LINGO2: variants seen among roughly 807,000 people sequenced by gnomAD.
LINGO2 encodes the protein leucine rich repeat and Ig domain containing 2.
In LINGO2, 14 loss-of-function variants were observed where a neutral mutation model predicts 30.6. The ratio of observed to expected loss-of-function variants is 0.46; its 90% CI spans 0.30 to 0.72. The LOEUF (loss-of-function observed/expected upper bound fraction) is 0.72. Among genes scored for constraint, LINGO2 ranks in the 30% least tolerant of loss-of-function variants. The probability of loss-of-function intolerance (pLI) is 0.07; values close to 1 mark genes in which losing one functional copy is unlikely to be tolerated. For synonymous variants in LINGO2, 317 were observed against 288.5 expected (o/e 1.10, Z -1.00); for missense variants, 729 against 751.7 (o/e 0.97, Z 0.35).
At chr9:28,170,966 T>C (rs535178571) in intron 4 of LINGO2, among the ~76,000 whole-genome samples, 72 of 152,364 alleles carry the variant, frequency 4.7e-4, no homozygotes, top group Middle Eastern at 3.4e-3. Flanking sequence ...TGGACAACTT[T>C]GTTGGGCCAT....
At chr9:28,880,502 G>A in the LINGO2 span, among the ~76,000 whole-genome samples, 1 of 152,160 alleles carries the variant, frequency 6.6e-6, no homozygotes, top group Non-Finnish European at 1.5e-5. Context: ...TAAACCAGGG[G>A]CACAATGCAC....
At chr9:28,117,324 C>A (rs900489666) in intron 4 of LINGO2, among the ~76,000 whole-genome samples, 2 of 146,108 alleles carry the variant, frequency 1.4e-5, no homozygotes, top group African/African-American at 5.0e-5. Context: ...AGCTGTCAGA[C>A]AGGGACATTT....
chr9:28,593,696 C>A (rs1825036252), intron 1 of LINGO2, among the ~76,000 whole-genome samples: 2 of 139,852 alleles, frequency 1.4e-5, no homozygotes, highest in Non-Finnish European at 3.2e-5. Flanking sequence ...GATCATTTCA[C>A]CAGAAAGTAC....
chr9:28,527,043 C>T (rs967767746), intron 1 of LINGO2, among the ~76,000 whole-genome samples: 11 of 152,068 alleles, frequency 7.2e-5, no homozygotes, highest in South Asian at 2.1e-4. Context: ...CTCTGGAAGA[C>T]GACTTAAAAG....
the LINGO2 span, among the ~76,000 whole-genome samples, chr9:28,906,284 T>C: frequency 6.6e-6 from 1 of 152,100 alleles, no homozygotes; most frequent in African/African-American, 2.4e-5. Context: ...AAAATTGCTA[T>C]GAAAATAGAT....
intron 2 of LINGO2, among the ~76,000 whole-genome samples, chr9:28,412,390 T>C (rs1822805558): frequency 6.6e-6 from 1 of 151,998 alleles, no homozygotes; most frequent in Admixed American, 6.6e-5. Flanking sequence ...GTGAATAGGG[T>C]TGTTTATCTG....
chr9:28,160,931 C>A lies in LINGO2; in HGVS notation c.-87+134277G>T, dbSNP rs555812089. On this transcript the variant is annotated intron_variant, in intron 4 of 5. Transcript: ENST00000379992. ...TCAATTCCCTTCTTAGCATTTGGGA[C>A]ACCCATGCTCCTGAACAGTGTTTGG... 4.1e-4 allele frequency among the ~76,000 whole-genome samples: 63 copies of A among 152,236 alleles called. 1 individual carries two copies. In the Middle Eastern group the frequency reaches 0.014, roughly 33 times the overall value.
intron 4 of LINGO2, among the ~76,000 whole-genome samples, chr9:28,028,064 G>C (rs975560203): frequency 3.3e-5 from 5 of 152,138 alleles, no homozygotes; most frequent in African/African-American, 9.7e-5. Context: ...TAGGCACCAA[G>C]AATTCAGAGA....
At chr9:28,180,470 T>G (rs1044472729) in intron 4 of LINGO2, among the ~76,000 whole-genome samples, 1 of 152,014 alleles carries the variant, frequency 6.6e-6, no homozygotes, top group African/African-American at 2.4e-5. Context: ...ATCACTACGG[T>G]CATTATTTGG....
At chr9:27,947,763 G>A, downstream of LINGO2, among the ~76,000 whole-genome samples, 1 of 152,160 alleles carries the variant, frequency 6.6e-6, no homozygotes, top group East Asian at 1.9e-4. Flanking sequence ...ACCCTGGTTT[G>A]TGTTGGCATC....
the LINGO2 span, among the ~76,000 whole-genome samples, chr9:28,755,345 C>A: frequency 1.7e-4 from 26 of 152,164 alleles, 1 homozygote; most frequent in Admixed American, 1.7e-3. Context: ...ACTAGCTCTG[C>A]GGCCTTGAGC....
chr9:28,477,237 TG>T (rs563244119), intron 1 of LINGO2, among the ~76,000 whole-genome samples: 36 of 152,332 alleles, frequency 2.4e-4, no homozygotes, highest in Admixed American at 1.0e-3. Flanking sequence ...AATTACGTAT[TG>T]TTTACACTGT....
chr9:28,515,664 T>C (rs186046218), intron 1 of LINGO2, among the ~76,000 whole-genome samples: 118 of 152,346 alleles, frequency 7.7e-4, no homozygotes, highest in South Asian at 2.7e-3. Flanking sequence ...AGATGAGTTG[T>C]TCTCATTAAA....
the LINGO2 span, among the ~76,000 whole-genome samples, chr9:29,093,029 G>GTATATATA: frequency 3.5e-3 from 345 of 98,540 alleles, 25 homozygotes; most frequent in African/African-American, 0.013. Flanking sequence ...TAATGTGTGT[G>GTATATATA]TATATATATA....
chr9:28,160,511 T>C (rs560094439), intron 4 of LINGO2, among the ~76,000 whole-genome samples: 1 of 152,334 alleles, frequency 6.6e-6, no homozygotes, highest in South Asian at 2.1e-4. Flanking sequence ...TCAACTCACA[T>C]GTCCAGACTG....
chr9:27,952,007 G>C (rs1268682525), intron 5 of LINGO2, among the ~76,000 whole-genome samples: 2 of 151,918 alleles, frequency 1.3e-5, no homozygotes, highest in African/African-American at 4.8e-5. Flanking sequence ...AACCCAGAAA[G>C]TGCTAGCAAA....
intron 2 of LINGO2, among the ~76,000 whole-genome samples, chr9:28,414,418 T>A (rs1822891395): frequency 6.6e-6 from 1 of 152,110 alleles, no homozygotes; most frequent in African/African-American, 2.4e-5. Context: ...ACACATATTT[T>A]CCCTCACCAT....
At chr9:28,864,837 G>T in the LINGO2 span, among the ~76,000 whole-genome samples, 10 of 152,122 alleles carry the variant, frequency 6.6e-5, no homozygotes, top group Admixed American at 5.9e-4. Flanking sequence ...TTTGTTTTGC[G>T]CTTATCATGT....
chr9:28,196,468 C>T (rs145883592), intron 4 of LINGO2, among the ~76,000 whole-genome samples: 2 of 151,750 alleles, frequency 1.3e-5, no homozygotes, highest in East Asian at 3.9e-4. Context: ...TACCCATTAA[C>T]AAGGTAAATT....
Sources: gnomAD v4.1 joint callset for allele counts (sites outside exome capture counted in the v4.1 genomes callset) on GRCh38, gnomAD v4.1.1 for gene constraint, MANE v1.5 for transcripts, NCBI Gene and HGNC (gene_info 2026-07-23, HGNC 2026-07-21) for gene names.